COX5A: variants seen among roughly 807,000 people sequenced by gnomAD.
COX5A encodes cytochrome c oxidase subunit 5A, mitochondrial.
Under a neutral mutation model 16.1 loss-of-function variants are expected in COX5A, and 6 were observed. The ratio of observed to expected loss-of-function variants is 0.37; its 90% CI spans 0.20 to 0.73. COX5A has a LOEUF of 0.73. COX5A is among the 30% of genes least tolerant of loss of function. The probability of loss-of-function intolerance (pLI) is 0.50; values close to 1 mark genes in which losing one functional copy is unlikely to be tolerated. For missense variants in COX5A, 159 were observed against 194.9 expected (o/e 0.82, Z 1.10); for synonymous variants, 73 against 73.8 (o/e 0.99, Z 0.06).
Position 74,926,852 on chromosome 15 carries a change from C to T in COX5A, c.253G>A (p.Glu85Lys). 6.2e-7 allele frequency: 1 copy of T among 1,613,976 alleles called. No individual in the cohort carries two copies. Among genetic ancestry groups the T allele is most frequent in the South Asian group, 1.1e-5 (1 of 91,058 alleles). ...AAAGCAGCATCAATGATTTTGGGCT[C>T]TGGAACCATATCATAGGTAACAAGT... is the stretch of plus-strand genomic sequence containing the variant. ...NTLVTYDMVP[E>K]PKIIDAALRA... Residue 85 changes from glutamate (E) to lysine (K), a missense_variant, in exon 3 of 5, where the codon GAG becomes AAG. Transcript: ENST00000322347.
intron 4 of COX5A, among the ~76,000 whole-genome samples, chr15:74,923,014 A>G (rs990030602): frequency 5.9e-5 from 9 of 152,174 alleles, no homozygotes; most frequent in African/African-American, 2.2e-4. Flanking sequence ...GTATCTGAAA[A>G]TCTGGATATG....
At chr15:74,936,795 T>A (rs201351816) in intron 1 of COX5A, among the ~76,000 whole-genome samples, 2 of 151,868 alleles carry the variant, frequency 1.3e-5, no homozygotes, top group East Asian at 3.9e-4. Flanking sequence ...CCCAGCTAAA[T>A]TTTTTGTATT....
At chr15:74,928,987 T>C in intron 2 of COX5A, 129 bp downstream of exon 2, 1 of 708,548 alleles carries the variant, frequency 1.4e-6, no homozygotes. Context: ...TAAACTTTCC[T>C]AACTGCAAGT....
intron 2 of COX5A, among the ~76,000 whole-genome samples, chr15:74,927,184 CT>C (rs1403693413): frequency 6.6e-6 from 1 of 150,996 alleles, no homozygotes; most frequent in Non-Finnish European, 1.5e-5. Context: ...CAACTCCTAA[CT>C]TTTTTTTTGG....
chr15:74,920,378 T>A lies in COX5A; in HGVS notation c.*74A>T. ...GTTCAAATAAGGTAATATGTTATCATCAGTATTTCCAGGTAACTGTTCACA... is the reference window on the plus strand; with the variant it reads ...GTTCAAATAAGGTAATATGTTATCAACAGTATTTCCAGGTAACTGTTCACA... On this transcript the variant is annotated 3_prime_UTR_variant, in exon 5 of 5. Transcript: ENST00000322347. 1.4e-6 allele frequency: 1 copy of A among 695,302 alleles called. No homozygotes were observed. The highest frequency in any genetic ancestry group is 2.6e-6 in the Non-Finnish European group (1 of 382,432). The allele number at this position is 695,302 out of a possible 1,614,324, so 43.1% of individuals were successfully genotyped here. A position where few individuals can be genotyped will look rare whatever the true frequency, so the allele number is the denominator to read the frequency against.
intron 1 of COX5A, 103 bp downstream of exon 1, chr15:74,937,812 A>C: frequency 1.5e-6 from 1 of 670,362 alleles, no homozygotes; most frequent in Non-Finnish European, 2.1e-6. Context: ...TAACCAGGGT[A>C]GGGCAAGGGC....
intron 3 of COX5A, among the ~76,000 whole-genome samples, chr15:74,924,636 T>C (rs1382260766): frequency 6.6e-6 from 1 of 152,214 alleles, no homozygotes; most frequent in South Asian, 2.1e-4. Context: ...CCAGAACATC[T>C]TAAAGTCTAG....
chr15:74,923,449 G>A (rs2065330598), intron 4 of COX5A, 199 bp downstream of exon 4: 1 of 484,232 alleles, frequency 2.1e-6, no homozygotes, highest in Non-Finnish European at 3.6e-6. Flanking sequence ...AAGAAGGAAA[G>A]AAAGAAAATA....
chr15:74,931,657 G>T (rs2065368124), intron 1 of COX5A, among the ~76,000 whole-genome samples: 1 of 150,304 alleles, frequency 6.7e-6, no homozygotes. Flanking sequence ...GGATTCAAGT[G>T]ATTCTCCTGC....
intron 3 of COX5A, among the ~76,000 whole-genome samples, chr15:74,925,338 A>T (rs1007959764): frequency 2.6e-5 from 4 of 152,082 alleles, no homozygotes; most frequent in African/African-American, 9.7e-5. Context: ...ATTATGACCA[A>T]ATAAGAAGGA....
intron 3 of COX5A, among the ~76,000 whole-genome samples, chr15:74,925,543 C>G (rs1052349993): frequency 5.3e-5 from 8 of 151,590 alleles, no homozygotes; most frequent in African/African-American, 1.9e-4. Context: ...CATGCACCCC[C>G]ACGCCCGGCT....
chr15:74,932,790 G>A (rs1345301917), intron 1 of COX5A, among the ~76,000 whole-genome samples: 4 of 151,272 alleles, frequency 2.6e-5, no homozygotes, highest in African/African-American at 7.3e-5. Flanking sequence ...TCCACCTCCC[G>A]GGTTCAAGTG....
chr15:74,921,768 T>C (rs921588433), intron 4 of COX5A, among the ~76,000 whole-genome samples: 4 of 152,088 alleles, frequency 2.6e-5, no homozygotes, highest in Non-Finnish European at 5.9e-5. Flanking sequence ...TTCAAAAGTA[T>C]AACTAGGAAA....
At chr15:74,936,184 C>T (rs1057169013) in intron 1 of COX5A, among the ~76,000 whole-genome samples, 2 of 151,740 alleles carry the variant, frequency 1.3e-5, no homozygotes, top group East Asian at 1.9e-4. Flanking sequence ...CCAGCTACTC[C>T]GGAGGCTGAG....
At position 74,938,053 on chromosome 15, in the gene COX5A, G is replaced by A. The variant is rs1400744502; in HGVS notation, c.-39C>T. 6 of 1,195,044 alleles carry A rather than the reference G, an allele frequency of 5.0e-6. No homozygotes were observed. The highest frequency in any genetic ancestry group is 6.3e-6 in the Non-Finnish European group (6 of 955,816). 74.0% of individuals were successfully genotyped at this position (1,195,044 alleles called of 1,614,324 possible). A position where few individuals can be genotyped will look rare whatever the true frequency, so the allele number is the denominator to read the frequency against. ...GCGCGCGGGCTGAGGACAGAGAGAA[G>A]CCGGTGTAAGCTCGCGGGTTGCTCC... On this transcript the variant is annotated 5_prime_UTR_variant, in exon 1 of 5. Transcript: ENST00000322347.
intron 1 of COX5A, among the ~76,000 whole-genome samples, chr15:74,930,191 G>T (rs1260265156): frequency 6.6e-6 from 1 of 151,658 alleles, no homozygotes; most frequent in Admixed American, 6.6e-5. Context: ...AGGCTGAGGC[G>T]GGTGGATCAA....
chr15:74,933,742 C>A (rs1476092120), intron 1 of COX5A, among the ~76,000 whole-genome samples: 1 of 152,018 alleles, frequency 6.6e-6, no homozygotes, highest in Non-Finnish European at 1.5e-5. Context: ...AAGTATTTAC[C>A]CAATGAAAGG....
chr15:74,925,466 G>A (rs1333925914), intron 3 of COX5A, among the ~76,000 whole-genome samples: 2 of 151,688 alleles, frequency 1.3e-5, no homozygotes, highest in African/African-American at 4.8e-5. Context: ...TTGGCTCACT[G>A]TAACCTCTGC....
intron 1 of COX5A, chr15:74,937,601 G>C (rs1191534527): frequency 4.4e-6 from 1 of 226,636 alleles, no homozygotes; most frequent in Non-Finnish European, 8.6e-6. Context: ...TGGCCGCAGG[G>C]TCGGCGCTGG....
Sources: allele counts gnomAD v4.1 joint callset (sites outside exome capture counted in the v4.1 genomes callset), GRCh38; gene constraint gnomAD v4.1.1; transcripts MANE v1.5; gene names NCBI Gene and HGNC (gene_info 2026-07-23, HGNC 2026-07-21).